GRB10: variants seen among roughly 807,000 people sequenced by gnomAD.
The protein encoded by GRB10 is growth factor receptor-bound protein 10.
A neutral mutation model predicts 80.9 loss-of-function variants in GRB10; 20 were observed. The observed-to-expected ratio is 0.25, with a 90% CI of 0.17 to 0.36. The LOEUF (loss-of-function observed/expected upper bound fraction) is 0.36. Among genes scored for constraint, GRB10 ranks in the 10% least tolerant of loss-of-function variants. The probability of loss-of-function intolerance (pLI) is 1.00; values close to 1 mark genes in which losing one functional copy is unlikely to be tolerated. For synonymous variants in GRB10, 291 were observed against 291.5 expected, an observed-to-expected ratio of 1.00 and a Z score of 0.02; for missense variants, 548 against 747.7, an observed-to-expected ratio of 0.73 and a Z score of 3.12.
chr7:50,595,647 C>CA, intron 17 of GRB10, 117 bp from the exon 18 acceptor site: 9 of 522,428 alleles, frequency 1.7e-5, no homozygotes, highest in South Asian at 6.8e-5. Flanking sequence ...AGGCTTGGAG[C>CA]CACAATGCTT....
At position 50,660,546 on chromosome 7, in the gene GRB10, G is replaced by A. The variant is rs186692786; in HGVS notation, c.504+9176C>T. Among the ~76,000 whole-genome samples, 383 of 152,218 alleles carry A rather than the reference G, an allele frequency of 2.5e-3. 1 individual carries two copies. The highest frequency in any genetic ancestry group is 4.2e-3 in the Non-Finnish European group (286 of 68,006). On this transcript the variant is annotated intron_variant, in intron 7 of 18. Coordinates refer to ENST00000401949, the MANE Select transcript of GRB10 (RefSeq NM_001350814.2). Reference sequence around the variant, plus strand: ...AGAGATGCTGCCACACATCAGCGCTGGAGCTGGGTTCTGCCCCAGCACCTT... The same window carrying A: ...AGAGATGCTGCCACACATCAGCGCTAGAGCTGGGTTCTGCCCCAGCACCTT...
At chr7:50,788,563 C>G (rs992851195) in intron 1 of GRB10, among the ~76,000 whole-genome samples, 4 of 152,176 alleles carry the variant, frequency 2.6e-5, no homozygotes, top group Non-Finnish European at 5.9e-5. Context: ...CACATTAGCT[C>G]TAGTGACCTT....
rs754876636 is a variant in GRB10, at chr7:50,592,915, C to A, written c.*37G>T. On this transcript the variant is annotated 3_prime_UTR_variant, in exon 19 of 19. Transcript: ENST00000401949. ...CAGACCGCTTCTTCACTCCAGTGTT[C>A]ACTTCCTCCAGTCTTCAGCCGAGAG... is the stretch of plus-strand genomic sequence containing the variant. 1.2e-6 allele frequency: 2 copies of A among 1,612,022 alleles called. No homozygotes were observed. Among genetic ancestry groups the A allele is most frequent in the Admixed American group, 1.7e-5 (1 of 60,024 alleles).
Position 50,595,516 on chromosome 7 carries a change from C to T in GRB10, c.1559G>A (p.Arg520His), listed in dbSNP as rs1482863838. The T allele has an allele frequency of 6.2e-7, 1 of 1,607,508 alleles. No homozygotes were observed. Among genetic ancestry groups the T allele is most frequent in the African/African-American group, 1.3e-5 (1 of 74,742 alleles). The change falls in exon 18 of 19, where the codon CGT becomes CAT. Residue 520 changes from arginine to histidine, a missense_variant. By Grantham distance (29) the Arg-to-His change is conservative. Transcript: ENST00000401949. ...QGLVDGLFLL[R>H]DSQSNPKAFV... ...TGCCTTTGGATTACTCTGGCTGTCA[C>T]GGAGGAGAAAAAGCCTGGGGAAGGG...
intron 2 of GRB10, among the ~76,000 whole-genome samples, chr7:50,759,610 T>C (rs956358355): frequency 9.9e-5 from 15 of 152,224 alleles, no homozygotes; most frequent in Non-Finnish European, 2.1e-4. Flanking sequence ...TTTTATTGTT[T>C]TATTGTTATA....
At chr7:50,773,664 A>G (rs760090181) in intron 2 of GRB10, among the ~76,000 whole-genome samples, 7 of 152,220 alleles carry the variant, frequency 4.6e-5, no homozygotes, top group Non-Finnish European at 1.0e-4. Flanking sequence ...TAAGCATAGA[A>G]TTACCATATA....
intron 4 of GRB10, among the ~76,000 whole-genome samples, chr7:50,730,125 T>C (rs1475930992): frequency 6.6e-6 from 1 of 152,152 alleles, no homozygotes; most frequent in East Asian, 1.9e-4. Context: ...AGAATTATGA[T>C]GTGTCACATT....
At chr7:50,641,130 G>C (rs1215106382) in intron 7 of GRB10, among the ~76,000 whole-genome samples, 1 of 143,480 alleles carries the variant, frequency 7.0e-6, no homozygotes, top group Non-Finnish European at 1.5e-5. Flanking sequence ...CCTGGACAGA[G>C]AGTCACATCT....
chr7:50,661,423 GA>G (rs1188457122), intron 7 of GRB10, among the ~76,000 whole-genome samples: 1 of 152,160 alleles, frequency 6.6e-6, no homozygotes, highest in Non-Finnish European at 1.5e-5. Context: ...ATAACAAATG[GA>G]AAAATGTGCT....
At chr7:50,642,876 A>G (rs1355510620) in intron 7 of GRB10, among the ~76,000 whole-genome samples, 1 of 152,242 alleles carries the variant, frequency 6.6e-6, no homozygotes, top group East Asian at 1.9e-4. Context: ...TATTCCTTCA[A>G]GCAGAATGCC....
chr7:50,604,205 G>T, intron 16 of GRB10, 106 bp downstream of exon 16: 1 of 1,272,242 alleles, frequency 7.9e-7, no homozygotes, highest in Non-Finnish European at 1.2e-6. Flanking sequence ...CAGCTTGTGT[G>T]GTGCACTCTG....
At chr7:50,711,767 T>C (rs1386499752) in intron 4 of GRB10, among the ~76,000 whole-genome samples, 2 of 152,190 alleles carry the variant, frequency 1.3e-5, no homozygotes, top group Non-Finnish European at 2.9e-5. Context: ...AGCCATGTAA[T>C]TATACTTTTA....
intron 4 of GRB10, among the ~76,000 whole-genome samples, chr7:50,730,462 A>G (rs1331078030): frequency 6.6e-6 from 1 of 152,224 alleles, no homozygotes; most frequent in African/African-American, 2.4e-5. Context: ...CCCATTGTAA[A>G]TCATCCCATA....
chr7:50,598,944 G>A (rs1400145561), intron 17 of GRB10, among the ~76,000 whole-genome samples: 1 of 151,436 alleles, frequency 6.6e-6, no homozygotes, highest in Non-Finnish European at 1.5e-5. Context: ...CCATGAGTGT[G>A]GGCATGGCAG....
Position 50,639,907 on chromosome 7 carries a change from T to C in GRB10, c.505-12929A>G, listed in dbSNP as rs137928780. Among the ~76,000 whole-genome samples the C allele has an allele frequency of 8.2e-3, 1,245 of 152,322 alleles. 16 individuals are homozygous for C. Among genetic ancestry groups the C allele is most frequent in the African/African-American group, 0.029 (1,188 of 41,562 alleles). ...GCATAGCCTGTTATTTTGAAAAACA[T>C]GTTTTTATAAAATAGAATCATTTTG... On this transcript the variant is annotated intron_variant, in intron 7 of 18. Transcript: ENST00000401949.
intron 4 of GRB10, among the ~76,000 whole-genome samples, chr7:50,717,802 G>T (rs190766654): frequency 2.6e-5 from 4 of 152,070 alleles, no homozygotes; most frequent in African/African-American, 9.7e-5. Context: ...AGGTTCTTGG[G>T]GTCTCTGGAC....
chr7:50,727,200 CTGTCGAATA>C (rs2068791596), intron 4 of GRB10: 1 of 152,220 alleles, frequency 6.6e-6, no homozygotes, highest in African/African-American at 2.4e-5. Context: ...AGCTTGCAGG[CTGTCGAATA>C]TGTTAGTTTT....
chr7:50,759,900 G>A (rs1027771500), intron 2 of GRB10, among the ~76,000 whole-genome samples: 1 of 152,052 alleles, frequency 6.6e-6, no homozygotes, highest in Non-Finnish European at 1.5e-5. Context: ...GACACCCCGG[G>A]AGCAGCTTCT....
At chr7:50,655,480 T>C (rs887468101) in intron 7 of GRB10, among the ~76,000 whole-genome samples, 8 of 152,218 alleles carry the variant, frequency 5.3e-5, no homozygotes, top group African/African-American at 1.9e-4. Flanking sequence ...GAACTGCAAG[T>C]TGTCTTACAG....
Sources: allele counts gnomAD v4.1 joint callset (sites outside exome capture counted in the v4.1 genomes callset), GRCh38; gene constraint gnomAD v4.1.1; transcripts MANE v1.5; gene names NCBI Gene and HGNC (gene_info 2026-07-23, HGNC 2026-07-21).